FARSA: variants seen among roughly 807,000 people sequenced by gnomAD.
FARSA encodes the protein phenylalanyl-tRNA synthetase subunit alpha, also known as phenylalanine--tRNA ligase alpha subunit.
In FARSA, 37 loss-of-function variants were observed where a neutral mutation model predicts 63.2. The ratio of observed to expected loss-of-function variants is 0.59; its 90% CI spans 0.45 to 0.77. The LOEUF (loss-of-function observed/expected upper bound fraction) is 0.77. Among genes scored for constraint, FARSA ranks in the 30% least tolerant of loss-of-function variants. The pLI, the probability that FARSA is intolerant of heterozygous loss-of-function variation, is 0.00. For synonymous variants in FARSA, 312 were observed against 285.1 expected (o/e 1.09, Z -0.95); for missense variants, 618 against 696.6 (o/e 0.89, Z 1.27).
intron 7 of FARSA, 33 bp downstream of exon 7, chr19:12,928,309 C>G: frequency 6.4e-7 from 1 of 1,574,622 alleles, no homozygotes; most frequent in Non-Finnish European, 8.7e-7. Context: ...TGGTGTCTCT[C>G]ATGTCTCAGG....
Position 12,933,539 on chromosome 19 carries a change from G to A in FARSA, c.147+11C>T, listed in dbSNP as rs377483823. 1.9e-6 allele frequency: 3 copies of A among 1,539,616 alleles called. No individual in the cohort carries two copies. The African/African-American group carries it at 4.1e-5, about 21-fold the overall frequency. On this transcript the variant is annotated intron_variant, in intron 1 of 12. Coordinates refer to ENST00000314606, the MANE Select transcript of FARSA (RefSeq NM_004461.3). Reference sequence around the variant, plus strand: ...AGGGCAAGGCGGTCCGGCATCACGGGCCCGGCTCACCTCGCCCAGCGCCTG... The same window carrying A: ...AGGGCAAGGCGGTCCGGCATCACGGACCCGGCTCACCTCGCCCAGCGCCTG...
intron 4 of FARSA, among the ~76,000 whole-genome samples, chr19:12,929,142 C>T (rs1971363199): frequency 6.6e-6 from 1 of 152,168 alleles, no homozygotes; most frequent in African/African-American, 2.4e-5. Context: ...TATTCTGTGC[C>T]AGGCTCTGTT....
At chr19:12,923,268 C>T (rs943066959) in intron 12 of FARSA, among the ~76,000 whole-genome samples, 4 of 152,186 alleles carry the variant, frequency 2.6e-5, no homozygotes, top group African/African-American at 9.7e-5. Flanking sequence ...ACTTACTGCC[C>T]TGGTACACAC....
Position 12,924,372 on chromosome 19 carries a change from T to A in FARSA, c.1273+77A>T, listed in dbSNP as rs531296307. The A allele has an allele frequency of 2.3e-4, 351 of 1,551,540 alleles. 3 individuals are homozygous for A. Among genetic ancestry groups the A allele is most frequent in the Middle Eastern group, 1.8e-3 (11 of 5,972 alleles). On this transcript the variant is annotated intron_variant, in intron 11 of 12. Coordinates refer to ENST00000314606, the MANE Select transcript of FARSA (RefSeq NM_004461.3). The surrounding 1 kb of genome is among the most constrained non-coding windows in gnomAD (Gnocchi z 6.4). Reference sequence around the variant, plus strand: ...GAGCTTGGGAGGTGGGGTACAGGCATGGCAATGGGGGGACCCAGGCCAAAC... The same window carrying A: ...GAGCTTGGGAGGTGGGGTACAGGCAAGGCAATGGGGGGACCCAGGCCAAAC...
chr19:12,925,382 G>T (rs1444410797), intron 7 of FARSA, among the ~76,000 whole-genome samples: 2 of 151,720 alleles, frequency 1.3e-5, no homozygotes, highest in Non-Finnish European at 2.9e-5. Context: ...TTTTGAGACA[G>T]AGTCTTGTTC....
chr19:12,923,561 C>A (rs186821519), intron 12 of FARSA, among the ~76,000 whole-genome samples: 2 of 152,306 alleles, frequency 1.3e-5, no homozygotes, highest in Admixed American at 1.3e-4. Flanking sequence ...CTCACTGCAA[C>A]CTCTGCCTCC....
intron 4 of FARSA, 43 bp downstream of exon 4, chr19:12,930,180 C>T (rs182269315): frequency 3.4e-6 from 5 of 1,463,064 alleles, no homozygotes; most frequent in African/African-American, 1.4e-5. Flanking sequence ...CACCATGCTT[C>T]GCAGGTGGTG....
intron 7 of FARSA, among the ~76,000 whole-genome samples, chr19:12,927,310 T>C (rs1971337661): frequency 6.6e-6 from 1 of 152,042 alleles, no homozygotes; most frequent in Non-Finnish European, 1.5e-5. Context: ...AAAGAAGACA[T>C]GGGGGCAGGC....
intron 2 of FARSA, 35 bp downstream of exon 2, chr19:12,930,577 C>G (rs2146000436): frequency 1.2e-6 from 2 of 1,607,906 alleles, no homozygotes; most frequent in Non-Finnish European, 8.5e-7. Context: ...ACCTTCATCC[C>G]ATCACTCACT....
chr19:12,929,524 G>T (rs544902903), intron 4 of FARSA, among the ~76,000 whole-genome samples: 1 of 152,154 alleles, frequency 6.6e-6, no homozygotes, highest in East Asian at 1.9e-4. Flanking sequence ...CTTTGAGATG[G>T]GGGTCTCTCT....
At chr19:12,929,382 T>C (rs573266209) in intron 4 of FARSA, among the ~76,000 whole-genome samples, 5 of 152,256 alleles carry the variant, frequency 3.3e-5, no homozygotes, top group African/African-American at 1.2e-4. Context: ...AAGTTTTGTA[T>C]TTTCAGTAAA....
chr19:12,922,625 G>T lies in FARSA; in HGVS notation c.*123C>A. 1 of 1,252,804 alleles carries T rather than the reference G, an allele frequency of 8.0e-7. No individual in the cohort carries two copies. Among genetic ancestry groups the T allele is most frequent in the East Asian group, 2.4e-5 (1 of 42,256 alleles). The allele number at this position is 1,252,804 out of a possible 1,614,324, so 77.6% of individuals were successfully genotyped here. A position where few individuals can be genotyped will look rare whatever the true frequency, so the allele number is the denominator to read the frequency against. On this transcript the variant is annotated 3_prime_UTR_variant, in exon 13 of 13. Coordinates refer to ENST00000314606, the MANE Select transcript of FARSA (RefSeq NM_004461.3). Reference sequence around the variant, plus strand: ...TGGGATTCTGGTCCTGGGACAGGTGGGAAAGAGGAAGGTGGGGGCTGGCCT... The same window carrying T: ...TGGGATTCTGGTCCTGGGACAGGTGTGAAAGAGGAAGGTGGGGGCTGGCCT...
Position 12,925,137 on chromosome 19 carries a change from G to A in FARSA, c.879C>T (p.Val293=), listed in dbSNP as rs1863597110. The A allele has an allele frequency of 1.2e-6, 2 of 1,605,812 alleles. No individual in the cohort carries two copies. The highest frequency in any genetic ancestry group is 1.3e-5 in the African/African-American group (1 of 74,650). Residue 293 remains valine (V), a synonymous_variant, in exon 8 of 13, where the codon GTC becomes GTT. Transcript: ENST00000314606. Reference sequence around the variant, plus strand: ...GAGAGTGGGTCCGCTTGACCCGCTGGACATAGTCCATTGGGAGCTGCAGGG... The same window carrying A: ...GAGAGTGGGTCCGCTTGACCCGCTGAACATAGTCCATTGGGAGCTGCAGGG... ...AEALQLPMDY[V]QRVKRTHSQG...
In FARSA at chr19:12,924,918, G is replaced by A. The variant is rs201276620; in HGVS notation, c.1012C>T (p.Arg338Cys). ...GCCAACCGCACCTTCTGGGCAAGGC[G>A]GTAGAGCGCACGGGCGCTGGCTGAT... ...TTSASARALY[R>C]LAQKKPFTPV... The change falls in exon 9 of 13, where the codon CGC (arginine) becomes TGC (cysteine). Residue 338 changes from arginine (R) to cysteine (C), a missense_variant. By Grantham distance (180) the Arg-to-Cys change is radical. Transcript: ENST00000314606. This position sits in a 1 kb window ranked among gnomAD's most constrained non-coding sequence, Gnocchi z 6.4. 399 of 1,614,246 alleles carry A rather than the reference G, an allele frequency of 2.5e-4. 2 individuals carry two copies. In the Middle Eastern group the frequency reaches 5.1e-3, roughly 21 times the overall value.
intron 7 of FARSA, among the ~76,000 whole-genome samples, chr19:12,926,492 C>T (rs1453012103): frequency 6.8e-6 from 1 of 148,124 alleles, no homozygotes; most frequent in Non-Finnish European, 1.5e-5. Flanking sequence ...CCAGGATGGT[C>T]TTGATCTCCT....
intron 7 of FARSA, 40 bp downstream of exon 7, chr19:12,928,302 T>A: frequency 6.5e-7 from 1 of 1,530,308 alleles, no homozygotes; most frequent in South Asian, 1.1e-5. Context: ...CGTGGCCTGG[T>A]GTCTCTCATG....
rs560812068 is a variant in FARSA at position 12,924,823 on chromosome 19, G to A, written c.1027-16C>T. The A allele has an allele frequency of 1.9e-4, 307 of 1,611,398 alleles. 3 individuals carry two copies. In the East Asian group the frequency reaches 3.3e-3, roughly 17 times the overall value. On this transcript the variant is annotated splice_polypyrimidine_tract_variant and intron_variant, in intron 9 of 12. Coordinates refer to ENST00000314606, the MANE Select transcript of FARSA (RefSeq NM_004461.3). This position sits in a 1 kb window ranked among gnomAD's most constrained non-coding sequence, Gnocchi z 6.4. ...TGAAGGGCTTCTAGGGGTGACAACC[G>A]AGCCAGGCCCAGGTATGGGTCAGAA...
intron 1 of FARSA, 34 bp downstream of exon 1, chr19:12,933,516 G>A (rs1404411780): frequency 1.3e-6 from 2 of 1,535,640 alleles, no homozygotes; most frequent in African/African-American, 1.4e-5. Context: ...TAGGTGCAAG[G>A]GCAAGGCGGT....
chr19:12,926,561 C>G (rs1971330072), intron 7 of FARSA, among the ~76,000 whole-genome samples: 1 of 152,158 alleles, frequency 6.6e-6, no homozygotes, highest in Non-Finnish European at 1.5e-5. Flanking sequence ...GCGTGAGCCA[C>G]CGCGCCCGGC....
Sources: allele counts gnomAD v4.1 joint callset (sites outside exome capture counted in the v4.1 genomes callset), GRCh38; gene constraint gnomAD v4.1.1; non-coding constraint Gnocchi (gnomAD v3.1); transcripts MANE v1.5; gene names NCBI Gene and HGNC (gene_info 2026-07-23, HGNC 2026-07-21).